VASP: variants seen among roughly 807,000 people sequenced by gnomAD.
VASP encodes the protein vasodilator-stimulated phosphoprotein.
A neutral mutation model predicts 54.4 loss-of-function variants in VASP; 27 were observed. That is an observed-to-expected ratio of 0.50 (90% CI 0.37 to 0.68). VASP has a LOEUF of 0.68. VASP is among the 30% of genes least tolerant of loss of function. VASP has a pLI of 0.00. For synonymous variants in VASP, 233 were observed against 209.8 expected (o/e 1.11, Z -0.96); for missense variants, 488 against 528.3 (o/e 0.92, Z 0.75).
Position 45,522,776 on chromosome 19 carries a change from G to C in VASP, c.779G>C (p.Gly260Ala). 6.2e-7 allele frequency: 1 copy of C among 1,602,402 alleles called. No individual in the cohort carries two copies. The highest frequency in any genetic ancestry group is 8.5e-7 in the Non-Finnish European group (1 of 1,176,732). Residue 260 changes from glycine (G) to alanine (A), a missense_variant, in exon 7 of 13, where the codon GGT becomes GCT. Gly to Ala is a moderately conservative substitution (Grantham distance 60, BLOSUM62 0). This residue lies in a region of VASP where 9 missense variants were observed against 26.9 expected (regional missense o/e 0.33). Coordinates refer to ENST00000245932, the MANE Select transcript of VASP (RefSeq NM_003370.4). Reference protein sequence around the residue: ...APKAESGRSGGGGLMEEMNAM... With the variant: ...APKAESGRSGAGGLMEEMNAM... ...AAAGCTGAGAGTGGTCGAAGCGGAG[G>C]TGGGGGACTCATGGAAGAGATGAAC... is the stretch of plus-strand genomic sequence containing the variant.
At chr19:45,523,545 C>G in intron 7 of VASP, 99 bp from the exon 8 acceptor site, 1 of 1,402,868 alleles carries the variant, frequency 7.1e-7, no homozygotes, top group Non-Finnish European at 9.8e-7. Flanking sequence ...TTTCGGAGTT[C>G]CAGAATTCTA....
Position 45,522,405 on chromosome 19 carries a change from C to T in VASP, c.544C>T (p.Pro182Ser). 1 of 1,483,068 alleles carries T rather than the reference C, an allele frequency of 6.7e-7. No homozygotes were observed. Among genetic ancestry groups the T allele is most frequent in the African/African-American group, 1.4e-5 (1 of 71,890 alleles). 91.9% of individuals were successfully genotyped at this position (1,483,068 alleles called of 1,614,324 possible). The stretch of plus-strand genomic sequence containing the variant: ...ACCAGGACCTCCCCCTCCTCCAGGT[C>T]CCCCCCCACCCCCAGGTTTGCCCCC... ...PPPGPPPPPG[P>S]PPPPGLPPSG... Residue 182 changes from proline (P) to serine (S), a missense_variant, in exon 6 of 13, where the codon CCC becomes TCC. By Grantham distance (74) the Pro-to-Ser change is moderately conservative. This residue lies in a region of VASP where 226 missense variants were observed against 196.0 expected (regional missense o/e 1.15). Coordinates refer to ENST00000245932, the MANE Select transcript of VASP (RefSeq NM_003370.4).
At chr19:45,524,496 C>T (rs1365660240) in intron 10 of VASP, 74 bp from the exon 11 acceptor site, 1 of 1,447,660 alleles carries the variant, frequency 6.9e-7, no homozygotes, top group African/African-American at 1.4e-5. Flanking sequence ...CAATGTGACC[C>T]CTGGAATAGG....
chr19:45,522,118 G>C (rs750864078), intron 4 of VASP, 50 bp from the exon 5 acceptor site: 1 of 1,611,272 alleles, frequency 6.2e-7, no homozygotes, highest in Non-Finnish European at 8.5e-7. Context: ...CCCTTCGCTG[G>C]CCATCCTTAG....
chr19:45,509,015 C>T (rs1203792102), intron 1 of VASP, among the ~76,000 whole-genome samples: 1 of 152,228 alleles, frequency 6.6e-6, no homozygotes, highest in Non-Finnish European at 1.5e-5. Context: ...CTGGGACTTC[C>T]TGCCCCAAAG....
chr19:45,522,109 C>T (rs1968848252), intron 4 of VASP, 59 bp from the exon 5 acceptor site: 5 of 1,609,028 alleles, frequency 3.1e-6, no homozygotes, highest in African/African-American at 1.3e-5. Flanking sequence ...GTCGCTGGCC[C>T]CTTCGCTGGC....
At chr19:45,522,941 G>T in intron 7 of VASP, 123 bp downstream of exon 7, 1 of 1,043,006 alleles carries the variant, frequency 9.6e-7, no homozygotes, top group South Asian at 1.6e-5. Flanking sequence ...TTGATAACCA[G>T]GTTTGGGATA....
At chr19:45,519,732 A>G (rs2122319599) in intron 3 of VASP, among the ~76,000 whole-genome samples, 1 of 150,074 alleles carries the variant, frequency 6.7e-6, no homozygotes, top group African/African-American at 2.5e-5. Flanking sequence ...AGTAGCTGGG[A>G]CTACAGGCAC....
At chr19:45,526,117 C>T (rs765945067) in intron 12 of VASP, 23 bp from the exon 13 acceptor site, 18 of 1,613,788 alleles carry the variant, frequency 1.1e-5, no homozygotes, top group Non-Finnish European at 1.4e-5. Context: ...TGCCCCTGAC[C>T]TCTGCTCCTT....
In VASP at chr19:45,523,579, A is replaced by G. The variant is rs1357910751; in HGVS notation, c.822-65A>G. The G allele has an allele frequency of 1.1e-5, 17 of 1,553,114 alleles. No homozygotes were observed. The Admixed American group carries it at 2.7e-4, about 24-fold the overall frequency. ...TATGCGCTAGGATCTACATTTCTAG[A>G]ACTCCCCTCAGAAGGGGATGGGTTG... On this transcript the variant is annotated intron_variant, in intron 7 of 12. Transcript: ENST00000245932.
intron 5 of VASP, 30 bp from the exon 6 acceptor site, chr19:45,522,310 C>A: frequency 5.6e-6 from 9 of 1,612,976 alleles, no homozygotes; most frequent in Non-Finnish European, 7.6e-6. Context: ...TTCTCTCTCT[C>A]AGCTGCCCCC....
intron 11 of VASP, 96 bp from the exon 12 acceptor site, chr19:45,525,850 C>T (rs2122352368): frequency 2.4e-6 from 3 of 1,269,556 alleles, no homozygotes; most frequent in East Asian, 4.6e-5. Flanking sequence ...GCCTGGGCAA[C>T]AGAGCAAGGT....
intron 3 of VASP, among the ~76,000 whole-genome samples, chr19:45,520,955 C>T (rs965802255): frequency 1.3e-5 from 2 of 152,118 alleles, no homozygotes; most frequent in African/African-American, 4.8e-5. Flanking sequence ...CAGAGTGAGA[C>T]TCTGTCTCGA....
Position 45,526,201 on chromosome 19 carries a change from T to C in VASP, c.*24T>C, listed in dbSNP as rs751116538. ...GACCACAGGGACCCAGAAGACCCGC[T>C]TCTCCTTTCCGCACACCCGGCCTGT... On this transcript the variant is annotated 3_prime_UTR_variant, in exon 13 of 13. Coordinates refer to ENST00000245932, the MANE Select transcript of VASP (RefSeq NM_003370.4). The C allele has an allele frequency of 1.9e-6, 3 of 1,595,174 alleles. No individual in the cohort carries two copies. Among genetic ancestry groups the C allele is most frequent in the Non-Finnish European group, 2.6e-6 (3 of 1,175,236 alleles).
In VASP at chr19:45,526,235, T is replaced by C; in HGVS notation, c.*58T>C. On this transcript the variant is annotated 3_prime_UTR_variant, in exon 13 of 13. Coordinates refer to ENST00000245932, the MANE Select transcript of VASP (RefSeq NM_003370.4). ...CCGCACACCCGGCCTGTCACCCTGC[T>C]TTCCCTGCCTCTACTTGACTTGGAA... The C allele has an allele frequency of 6.4e-7, 1 of 1,562,834 alleles. No homozygotes were observed. Among genetic ancestry groups the C allele is most frequent in the Non-Finnish European group, 8.6e-7 (1 of 1,158,708 alleles).
intron 3 of VASP, among the ~76,000 whole-genome samples, chr19:45,520,885 AC>A (rs1346742117): frequency 6.6e-6 from 1 of 152,100 alleles, no homozygotes; most frequent in Non-Finnish European, 1.5e-5. Flanking sequence ...AATCTCTTGA[AC>A]CCGGGAGGTG....
intron 1 of VASP, among the ~76,000 whole-genome samples, chr19:45,510,162 C>G (rs946829217): frequency 1.3e-5 from 2 of 152,096 alleles, no homozygotes; most frequent in Non-Finnish European, 1.5e-5. Flanking sequence ...ACCATTTGAT[C>G]AAGCATCTAT....
In VASP at chr19:45,522,852, A is replaced by T. The variant is rs751063377; in HGVS notation, c.821+34A>T. The T allele has an allele frequency of 7.6e-6, 12 of 1,586,902 alleles. No individual in the cohort carries two copies. The South Asian group carries it at 1.4e-4, about 18-fold the overall frequency. ...GAGCCTGGACCCCCAAGTCACCTGG[A>T]GTTCCAGTTCAGTAGGGCCCAGTCA... On this transcript the variant is annotated intron_variant, in intron 7 of 12. Coordinates refer to ENST00000245932, the MANE Select transcript of VASP (RefSeq NM_003370.4).
At chr19:45,509,433 A>T (rs1333924912) in intron 1 of VASP, among the ~76,000 whole-genome samples, 1 of 151,486 alleles carries the variant, frequency 6.6e-6, no homozygotes, top group African/African-American at 2.4e-5. Flanking sequence ...TGGAAGGCGG[A>T]TGGCGGATGT....
Sources: gnomAD v4.1 joint callset for allele counts (sites outside exome capture counted in the v4.1 genomes callset) on GRCh38, gnomAD v4.1.1 for gene constraint, gnomAD v4.1.1 regional missense constraint, MANE v1.5 for transcripts, NCBI Gene and HGNC (gene_info 2026-07-23, HGNC 2026-07-21) for gene names.